Variants in HDAC9 observed in about 807,000 individuals in gnomAD.
HDAC9 encodes the protein histone deacetylase 9, also known as MEF-2 interacting transcription repressor (MITR) protein.
A neutral mutation model predicts 139.4 loss-of-function variants in HDAC9; 41 were observed. The observed-to-expected ratio is 0.29, with a 90% CI of 0.23 to 0.38. HDAC9 has a LOEUF of 0.38. HDAC9 is among the 10% of genes least tolerant of loss of function. The pLI is 1.00. For synonymous variants in HDAC9, 517 were observed against 476.2 expected, an observed-to-expected ratio of 1.09 and a Z score of -1.12; for missense variants, 1,147 against 1,297.0, an observed-to-expected ratio of 0.88 and a Z score of 1.78.
At chr7:18,286,491 G>A (rs921415246), upstream of HDAC9, among the ~76,000 whole-genome samples, 1 of 150,960 alleles carries the variant, frequency 6.6e-6, no homozygotes, top group Non-Finnish European at 1.5e-5. Flanking sequence ...CAAGGTGTAA[G>A]CTTATTTTTC....
chr7:18,483,799 C>A (rs1407003675), intron 1 of HDAC9, among the ~76,000 whole-genome samples: 1 of 151,974 alleles, frequency 6.6e-6, no homozygotes, highest in African/African-American at 2.4e-5. Flanking sequence ...AATTTTATTA[C>A]CAGAAAGGCT....
At chr7:18,737,642 G>A (rs1444093439) in intron 13 of HDAC9, among the ~76,000 whole-genome samples, 1 of 152,136 alleles carries the variant, frequency 6.6e-6, no homozygotes, top group African/African-American at 2.4e-5. Flanking sequence ...TGTGATTTCT[G>A]TTCTTTTACA....
At chr7:18,971,413 C>T (rs1212090721) in intron 24 of HDAC9, among the ~76,000 whole-genome samples, 1 of 152,186 alleles carries the variant, frequency 6.6e-6, no homozygotes, top group Non-Finnish European at 1.5e-5. Flanking sequence ...TTATGAATAA[C>T]AGCTCCTGAA....
At chr7:18,825,716 TA>T (rs1468512880) in intron 17 of HDAC9, among the ~76,000 whole-genome samples, 2 of 148,656 alleles carry the variant, frequency 1.3e-5, no homozygotes, top group Admixed American at 6.7e-5. Context: ...ATATAAATTA[TA>T]AAAAATATAT....
intron 2 of HDAC9, among the ~76,000 whole-genome samples, chr7:18,185,121 GT>G (rs1789801010): frequency 6.6e-6 from 1 of 152,072 alleles, no homozygotes; most frequent in South Asian, 2.1e-4. Flanking sequence ...TTCAAAGCAA[GT>G]GATTTTTATG....
chr7:18,656,904 C>T (rs1477350464), intron 11 of HDAC9, among the ~76,000 whole-genome samples: 1 of 152,164 alleles, frequency 6.6e-6, no homozygotes, highest in African/African-American at 2.4e-5. Context: ...TTCCCACCAA[C>T]AGCGTACGAC....
At chr7:18,169,182 C>T (rs552269504) in intron 2 of HDAC9, among the ~76,000 whole-genome samples, 2 of 152,102 alleles carry the variant, frequency 1.3e-5, no homozygotes, top group Admixed American at 6.6e-5. Context: ...GGTGATCCAC[C>T]CACCTCGGCC....
intron 2 of HDAC9, among the ~76,000 whole-genome samples, chr7:18,567,835 C>T (rs1241427769): frequency 1.3e-5 from 2 of 151,846 alleles, no homozygotes; most frequent in Non-Finnish European, 2.9e-5. Flanking sequence ...TAAGATGTTT[C>T]TTTAAAACCT....
intron 2 of HDAC9, among the ~76,000 whole-genome samples, chr7:18,228,926 G>T (rs959221237): frequency 8.5e-5 from 13 of 152,178 alleles, no homozygotes; most frequent in Non-Finnish European, 1.9e-4. Context: ...CTTTATGTGT[G>T]CTGAGGTCAA....
Position 18,726,416 on chromosome 7 carries a change from C to A in HDAC9, c.1732-1164C>A, listed in dbSNP as rs375020451. ...AGGAGAAGTAATGTCTGCCTCAAGT[C>A]TTGAAAGAACAAATGCTAGTCAGAT... On this transcript the variant is annotated intron_variant, in intron 12 of 25. Transcript: ENST00000686413. 1.9e-4 allele frequency among the ~76,000 whole-genome samples: 29 copies of A among 152,210 alleles called. No individual in the cohort carries two copies. The East Asian group carries it at 2.5e-3, about 13-fold the overall frequency.
In HDAC9 at chr7:18,629,336, G is replaced by A. The variant is rs201852207; in HGVS notation, c.665-14G>A. The A allele has an allele frequency of 5.6e-6, 6 of 1,076,016 alleles. No individual in the cohort carries two copies. Among genetic ancestry groups the A allele is most frequent in the East Asian group, 4.8e-5 (1 of 20,908 alleles). 66.7% of individuals were successfully genotyped at this position (1,076,016 alleles called of 1,614,324 possible). On this transcript the variant is annotated splice_polypyrimidine_tract_variant and intron_variant, in intron 6 of 25. Coordinates refer to ENST00000686413, the MANE Select transcript of HDAC9 (RefSeq NM_178425.4). Reference sequence around the variant, plus strand: ...AATTTTTATCTATTTTTTTTTTTTTGTCTCAATCCCCAGCCTCTGAGCCCA... The same window carrying A: ...AATTTTTATCTATTTTTTTTTTTTTATCTCAATCCCCAGCCTCTGAGCCCA...
intron 12 of HDAC9, among the ~76,000 whole-genome samples, chr7:18,708,173 C>G (rs1238763394): frequency 6.6e-6 from 1 of 150,548 alleles, no homozygotes; most frequent in Non-Finnish European, 1.5e-5. Context: ...GAGGGAGTTA[C>G]TGTTTGTTGG....
chr7:18,266,075 T>C (rs1004506824), intron 2 of HDAC9, among the ~76,000 whole-genome samples: 1 of 152,186 alleles, frequency 6.6e-6, no homozygotes, highest in Non-Finnish European at 1.5e-5. Context: ...CCATGCTTGA[T>C]ATTGCATCAC....
At chr7:18,704,596 T>A (rs1783742987) in intron 12 of HDAC9, among the ~76,000 whole-genome samples, 1 of 152,214 alleles carries the variant, frequency 6.6e-6, no homozygotes, top group South Asian at 2.1e-4. Flanking sequence ...TCTCTTACTT[T>A]TAGTACTTCA....
chr7:18,597,370 A>G (rs545321776), intron 6 of HDAC9, among the ~76,000 whole-genome samples: 9 of 152,296 alleles, frequency 5.9e-5, no homozygotes, highest in Middle Eastern at 3.4e-3. Context: ...ATTTTGTTCT[A>G]TAACACAAGG....
rs1461596244 is a variant in HDAC9 at position 18,394,331 on chromosome 7, G to A, written c.-41-101931G>A. 2.0e-5 allele frequency among the ~76,000 whole-genome samples: 3 copies of A among 152,276 alleles called. No homozygotes were observed. In the East Asian group the frequency reaches 5.8e-4, roughly 29 times the overall value. On this transcript the variant is annotated intron_variant, in intron 1 of 3. Coordinates refer to the HDAC9 transcript ENST00000413509. ...AAGTTAGGGTTATTGCAGGTGGTGTGATTGGAAATATTAAGAGGGAGCATC... is the reference window on the plus strand; with the variant it reads ...AAGTTAGGGTTATTGCAGGTGGTGTAATTGGAAATATTAAGAGGGAGCATC...
At chr7:18,480,008 A>T in intron 1 of HDAC9, among the ~76,000 whole-genome samples, 1 of 141,066 alleles carries the variant, frequency 7.1e-6, no homozygotes, top group Non-Finnish European at 1.5e-5. Flanking sequence ...TTTTTCTGGA[A>T]GATTGCCTGT....
intron 2 of HDAC9, among the ~76,000 whole-genome samples, chr7:18,254,169 G>C (rs1158419736): frequency 6.6e-6 from 1 of 152,186 alleles, no homozygotes; most frequent in African/African-American, 2.4e-5. Context: ...ATAAATTGGT[G>C]AATTTGGAAG....
chr7:18,566,112 C>G (rs1199692998), intron 2 of HDAC9, among the ~76,000 whole-genome samples: 4 of 152,138 alleles, frequency 2.6e-5, no homozygotes. Context: ...ATTCCACCCC[C>G]TTAAGAAGCA....
Sources: gnomAD v4.1 joint callset for allele counts (sites outside exome capture counted in the v4.1 genomes callset) on GRCh38, gnomAD v4.1.1 for gene constraint, MANE v1.5 for transcripts, NCBI Gene and HGNC (gene_info 2026-07-23, HGNC 2026-07-21) for gene names.